CADM2: variants seen among roughly 807,000 people sequenced by gnomAD.
CADM2 encodes immunoglobulin superfamily member 4D.
Under a neutral mutation model 49.8 loss-of-function variants are expected in CADM2, and 12 were observed. The observed-to-expected ratio is 0.24, with a 90% confidence interval of 0.15 to 0.39. The LOEUF is 0.39. CADM2 is among the 10% of genes least tolerant of loss of function. The pLI, the probability that CADM2 is intolerant of heterozygous loss-of-function variation, is 1.00. For missense variants in CADM2, 378 were observed against 492.3 expected (o/e 0.77, Z 2.20); for synonymous variants, 214 against 175.4 (o/e 1.22, Z -1.74).
At chr3:85,797,889 G>C (rs144400063) in intron 2 of CADM2, among the ~76,000 whole-genome samples, 1 of 152,130 alleles carries the variant, frequency 6.6e-6, no homozygotes, top group African/African-American at 2.4e-5. Context: ...GTGAAAAAGC[G>C]TGCCTGTATC....
At chr3:85,286,656 T>C (rs1194493158) in intron 1 of CADM2, among the ~76,000 whole-genome samples, 2 of 152,178 alleles carry the variant, frequency 1.3e-5, no homozygotes, top group Non-Finnish European at 2.9e-5. Context: ...TTGCTGTTTT[T>C]AACTTTGTAG....
intron 3 of CADM2, among the ~76,000 whole-genome samples, chr3:85,877,223 C>T (rs919143072): frequency 1.8e-4 from 27 of 152,198 alleles, no homozygotes; most frequent in African/African-American, 6.3e-4. Context: ...ATGTGAATAA[C>T]ACCCTTTTCT....
At chr3:85,637,756 G>C (rs2064560118) in intron 1 of CADM2, among the ~76,000 whole-genome samples, 1 of 151,914 alleles carries the variant, frequency 6.6e-6, no homozygotes, top group Admixed American at 6.6e-5. Flanking sequence ...GCAAAAGCAG[G>C]ATTCAAATGC....
At position 85,030,579 on chromosome 3, in the gene CADM2, C is replaced by T. The variant is rs138237452; in HGVS notation, c.61+70911C>T. 5.9e-5 allele frequency among the ~76,000 whole-genome samples: 9 copies of T among 152,254 alleles called. No homozygotes were observed. In the East Asian group the frequency reaches 1.7e-3, roughly 29 times the overall value. ...GCTGTCTCCATAGAAATTGCCATGC[C>T]ATCTACTTAACTGAACTAATAAAAC... On this transcript the variant is annotated intron_variant, in intron 1 of 9. Transcript: ENST00000383699.
intron 1 of CADM2, among the ~76,000 whole-genome samples, chr3:85,254,295 A>G (rs540317817): frequency 1.3e-5 from 2 of 152,162 alleles, no homozygotes; most frequent in South Asian, 4.2e-4. Flanking sequence ...GCACCACCCT[A>G]AAGGCACCTC....
chr3:85,067,367 T>C (rs2036566027), intron 1 of CADM2, among the ~76,000 whole-genome samples: 1 of 152,024 alleles, frequency 6.6e-6, no homozygotes, highest in South Asian at 2.1e-4. Flanking sequence ...AAAAAACATG[T>C]TGGCTTTTTA....
At chr3:85,154,207 T>C (rs2040024661) in intron 1 of CADM2, among the ~76,000 whole-genome samples, 2 of 152,106 alleles carry the variant, frequency 1.3e-5, no homozygotes, top group Admixed American at 6.5e-5. Context: ...TTTAGAAGAA[T>C]GTATAACTAG....
chr3:85,383,630 T>G (rs1228611925), intron 1 of CADM2, among the ~76,000 whole-genome samples: 1 of 149,576 alleles, frequency 6.7e-6, no homozygotes, highest in Non-Finnish European at 1.5e-5. Flanking sequence ...TTCTCTCCAT[T>G]GGAATTCTCA....
intron 1 of CADM2, among the ~76,000 whole-genome samples, chr3:85,036,029 T>G (rs1239919411): frequency 6.6e-6 from 1 of 152,230 alleles, no homozygotes; most frequent in African/African-American, 2.4e-5. Context: ...TTAATGACTA[T>G]GTATCACTAT....
At chr3:85,375,904 C>G (rs2033566692) in intron 1 of CADM2, among the ~76,000 whole-genome samples, 2 of 152,026 alleles carry the variant, frequency 1.3e-5, no homozygotes, top group Admixed American at 1.3e-4. Flanking sequence ...TGATTAATCC[C>G]TTGTTATTGT....
intron 1 of CADM2, among the ~76,000 whole-genome samples, chr3:85,380,272 T>C (rs1030552850): frequency 1.3e-5 from 2 of 151,992 alleles, no homozygotes; most frequent in African/African-American, 4.8e-5. Flanking sequence ...TTGAAGGTAA[T>C]GTTAATATGG....
intron 3 of CADM2, among the ~76,000 whole-genome samples, chr3:85,849,707 ATTAT>A (rs932774329): frequency 1.2e-4 from 19 of 152,078 alleles, no homozygotes; most frequent in Non-Finnish European, 1.3e-4. Flanking sequence ...AGGTAGGGAG[ATTAT>A]TTATTTGTTT....
chr3:85,933,943 C>T (rs185416818), intron 6 of CADM2, among the ~76,000 whole-genome samples: 1 of 152,208 alleles, frequency 6.6e-6, no homozygotes, highest in African/African-American at 2.4e-5. Context: ...ATCTGCTCTA[C>T]TCAGTCTACC....
At chr3:85,716,450 A>G (rs1350409487) in intron 1 of CADM2, among the ~76,000 whole-genome samples, 2 of 152,130 alleles carry the variant, frequency 1.3e-5, no homozygotes, top group African/African-American at 4.8e-5. Context: ...CTAATTCTGT[A>G]GATTGCCTGT....
At chr3:86,014,666 A>G in intron 8 of CADM2, 1 of 1,560,802 alleles carries the variant, frequency 6.4e-7, no homozygotes, top group Non-Finnish European at 8.7e-7. Context: ...TGGTACCCTC[A>G]GTCATGGGAC....
At chr3:86,001,091 G>A (rs910749527) in intron 8 of CADM2, among the ~76,000 whole-genome samples, 2 of 152,104 alleles carry the variant, frequency 1.3e-5, no homozygotes, top group South Asian at 2.1e-4. Context: ...CACAGTTTTT[G>A]TGATTGTTTG....
intron 1 of CADM2, among the ~76,000 whole-genome samples, chr3:85,291,128 C>A (rs1391549666): frequency 6.6e-6 from 1 of 152,016 alleles, no homozygotes; most frequent in Non-Finnish European, 1.5e-5. Context: ...GGCTCGAGAA[C>A]TACGTGAAGA....
intron 1 of CADM2, among the ~76,000 whole-genome samples, chr3:85,691,145 T>C (rs2066374150): frequency 6.6e-6 from 1 of 152,162 alleles, no homozygotes; most frequent in Non-Finnish European, 1.5e-5. Flanking sequence ...ATCGACTTCT[T>C]TAGACTCCAC....
At chr3:85,808,893 A>G (rs1386182358) in intron 3 of CADM2, among the ~76,000 whole-genome samples, 3 of 152,170 alleles carry the variant, frequency 2.0e-5, no homozygotes, top group Admixed American at 6.5e-5. Context: ...AGACCGATAA[A>G]GAGAAGAAAA....
Sources: allele counts gnomAD v4.1 joint callset (sites outside exome capture counted in the v4.1 genomes callset), GRCh38; gene constraint gnomAD v4.1.1; transcripts MANE v1.5; gene names NCBI Gene and HGNC (gene_info 2026-07-23, HGNC 2026-07-21).